SMAP1: variants seen among roughly 807,000 people sequenced by gnomAD.
The protein encoded by SMAP1 is stromal membrane-associated protein 1.
In SMAP1, 24 loss-of-function variants were observed where a neutral mutation model predicts 58.5. That is an observed-to-expected ratio of 0.41 (90% confidence interval 0.30 to 0.58). The LOEUF is 0.58. Ranked by LOEUF, SMAP1 falls within the 20% of genes least tolerant of loss-of-function variation. The pLI, the probability that SMAP1 is intolerant of heterozygous loss-of-function variation, is 0.29. For missense variants in SMAP1, 563 were observed against 566.3 expected, an observed-to-expected ratio of 0.99 and a Z score of 0.06; for synonymous variants, 216 against 196.6, an observed-to-expected ratio of 1.10 and a Z score of -0.82.
chr6:70,795,348 A>G (rs753667885), intron 5 of SMAP1, among the ~76,000 whole-genome samples: 38 of 152,188 alleles, frequency 2.5e-4, no homozygotes, highest in Non-Finnish European at 5.0e-4. Flanking sequence ...CTCTAACACT[A>G]TACCATAGAT....
At chr6:70,688,314 T>C (rs909389863) in intron 1 of SMAP1, among the ~76,000 whole-genome samples, 3 of 152,166 alleles carry the variant, frequency 2.0e-5, no homozygotes, top group Non-Finnish European at 4.4e-5. Flanking sequence ...CTCTGATAAG[T>C]GCCCAGTAGT....
chr6:70,762,115 C>A (rs941175213), intron 3 of SMAP1, among the ~76,000 whole-genome samples: 1 of 152,016 alleles, frequency 6.6e-6, no homozygotes. Flanking sequence ...AAATTTCCTT[C>A]GAAAATCTTT....
intron 8 of SMAP1, among the ~76,000 whole-genome samples, chr6:70,853,127 T>C (rs371196817): frequency 6.6e-6 from 1 of 152,186 alleles, no homozygotes; most frequent in African/African-American, 2.4e-5. Context: ...CTAGCAAATT[T>C]AGTACTGTCT....
chr6:70,787,487 G>T (rs1768105866), intron 4 of SMAP1, among the ~76,000 whole-genome samples: 1 of 151,930 alleles, frequency 6.6e-6, no homozygotes, highest in South Asian at 2.1e-4. Context: ...CACAGCAAAA[G>T]AAACTACCAT....
chr6:70,816,848 G>A (rs1283178499), intron 6 of SMAP1, among the ~76,000 whole-genome samples: 7 of 151,996 alleles, frequency 4.6e-5, no homozygotes, highest in Admixed American at 3.3e-4. Context: ...TAATGATTAG[G>A]CGTTAAACTT....
At chr6:70,852,399 G>C in intron 7 of SMAP1, 141 bp from the exon 8 acceptor site, 1 of 750,126 alleles carries the variant, frequency 1.3e-6, no homozygotes, top group Non-Finnish European at 1.9e-6. Context: ...GGGGATCGGG[G>C]GTAGGTAGAA....
In SMAP1 at chr6:70,852,552, T is replaced by C; in HGVS notation, c.677T>C (p.Val226Ala). ...VDLLGLDGPA[V>A]APVTNGNTTV... ...ATATTCTTTTCAGATGGCCCTGCTG[T>C]GGCACCAGTGACCAACGGGAACACA... The change falls in exon 8 of 11, where the codon GTG (valine) becomes GCG (alanine). Residue 226 changes from valine (V) to alanine (A), a missense_variant. Coordinates refer to ENST00000370455, the MANE Select transcript of SMAP1 (RefSeq NM_001044305.3). 5 of 1,596,274 alleles carry C rather than the reference T, an allele frequency of 3.1e-6. No homozygotes were observed. The highest frequency in any genetic ancestry group is 4.3e-6 in the Non-Finnish European group (5 of 1,171,850).
chr6:70,737,356 C>G (rs1010618298), intron 2 of SMAP1, among the ~76,000 whole-genome samples: 9 of 152,074 alleles, frequency 5.9e-5, no homozygotes, highest in Admixed American at 4.6e-4. Context: ...CATGTTGGCC[C>G]GGCTGGTCTC....
chr6:70,680,712 G>GTTTTT (rs34867967), intron 1 of SMAP1, among the ~76,000 whole-genome samples: 233 of 78,912 alleles, frequency 3.0e-3, no homozygotes, highest in Middle Eastern at 8.9e-3. Context: ...TGGATTTCCT[G>GTTTTT]TTTTTTTTTT....
intron 3 of SMAP1, among the ~76,000 whole-genome samples, chr6:70,771,595 C>T (rs1767315717): frequency 6.6e-6 from 1 of 152,168 alleles, no homozygotes; most frequent in South Asian, 2.1e-4. Context: ...GTTTTTTAAG[C>T]CCGTCGGAAA....
chr6:70,671,509 C>G (rs372476359), intron 1 of SMAP1, among the ~76,000 whole-genome samples: 2 of 152,046 alleles, frequency 1.3e-5, no homozygotes, highest in Non-Finnish European at 2.9e-5. Context: ...GGCGGAGAGG[C>G]GGAGGTTGCA....
At position 70,857,951 on chromosome 6, in the gene SMAP1, T is replaced by C; in HGVS notation, c.991T>C (p.Phe331Leu). Residue 331 changes from phenylalanine (F) to leucine (L), a missense_variant, in exon 10 of 11, where the codon TTT becomes CTT. Physicochemically the swap from Phe to Leu is conservative, Grantham distance 22. Coordinates refer to ENST00000370455, the MANE Select transcript of SMAP1 (RefSeq NM_001044305.3). The stretch of plus-strand genomic sequence containing the variant: ...ATTTATGGGACCCACAAATATACCA[T>C]TTACCTCACAAGCACCAGCTGCATT... ...GVFMGPTNIP[F>L]TSQAPAAFQG... 3.7e-6 allele frequency: 6 copies of C among 1,614,152 alleles called. No individual in the cohort carries two copies. Among genetic ancestry groups the C allele is most frequent in the Non-Finnish European group, 5.1e-6 (6 of 1,179,998 alleles).
At chr6:70,834,523 AG>A (rs1437961886) in intron 6 of SMAP1, among the ~76,000 whole-genome samples, 1 of 152,170 alleles carries the variant, frequency 6.6e-6, no homozygotes, top group African/African-American at 2.4e-5. Flanking sequence ...TCAACTTCAA[AG>A]TTTTCTGATT....
At chr6:70,700,217 G>T (rs530434248) in intron 1 of SMAP1, among the ~76,000 whole-genome samples, 1 of 152,134 alleles carries the variant, frequency 6.6e-6, no homozygotes, top group African/African-American at 2.4e-5. Flanking sequence ...ACCTTCTGTC[G>T]TGAGTAAAAG....
chr6:70,836,562 A>G (rs571472521), intron 6 of SMAP1, among the ~76,000 whole-genome samples: 6 of 152,264 alleles, frequency 3.9e-5, no homozygotes, highest in Non-Finnish European at 8.8e-5. Context: ...TACGGGATCT[A>G]CAAGATGAAA....
intron 6 of SMAP1, among the ~76,000 whole-genome samples, chr6:70,820,235 C>T (rs1389652160): frequency 2.6e-5 from 4 of 151,946 alleles, no homozygotes; most frequent in African/African-American, 9.7e-5. Context: ...AATATATAAG[C>T]ATTATATGTA....
intron 2 of SMAP1, among the ~76,000 whole-genome samples, chr6:70,751,776 A>T (rs1172635096): frequency 1.3e-5 from 2 of 152,224 alleles, no homozygotes; most frequent in African/African-American, 4.8e-5. Flanking sequence ...AATAGTACTT[A>T]GGGTCCGTCT....
intron 3 of SMAP1, among the ~76,000 whole-genome samples, chr6:70,770,075 C>T (rs1244519805): frequency 2.6e-5 from 4 of 151,518 alleles, no homozygotes; most frequent in Non-Finnish European, 5.9e-5. Context: ...TGAATATTGG[C>T]CCCCACTCTC....
At chr6:70,768,822 A>G (rs539172955) in intron 3 of SMAP1, among the ~76,000 whole-genome samples, 133 of 152,040 alleles carry the variant, frequency 8.7e-4, no homozygotes, top group Non-Finnish European at 1.6e-3. Flanking sequence ...TTGCTTTTCT[A>G]GTTCTTTTAA....
Sources: gnomAD v4.1 joint callset for allele counts (sites outside exome capture counted in the v4.1 genomes callset) on GRCh38, gnomAD v4.1.1 for gene constraint, MANE v1.5 for transcripts, NCBI Gene and HGNC (gene_info 2026-07-23, HGNC 2026-07-21) for gene names.